GPC6: variants seen among roughly 807,000 people sequenced by gnomAD.
GPC6 encodes the protein glypican 6, also known as glypican-6.
Under a neutral mutation model 55.2 loss-of-function variants are expected in GPC6, and 14 were observed. That is an observed-to-expected ratio of 0.25 (90% CI 0.17 to 0.40). GPC6 has a LOEUF of 0.40. GPC6 is among the 10% of genes least tolerant of loss of function. The pLI is 1.00. For synonymous variants in GPC6, 278 were observed against 259.6 expected, an observed-to-expected ratio of 1.07 and a Z score of -0.68; for missense variants, 641 against 708.5, an observed-to-expected ratio of 0.90 and a Z score of 1.08.
intron 1 of GPC6, among the ~76,000 whole-genome samples, chr13:93,466,835 T>C (rs1427285529): frequency 1.3e-5 from 2 of 152,204 alleles, no homozygotes; most frequent in Non-Finnish European, 2.9e-5. Flanking sequence ...GTAAATTTGC[T>C]GTCTCATCAG....
intron 4 of GPC6, among the ~76,000 whole-genome samples, chr13:94,259,881 TACACACATGCACAC>T (rs747381597): frequency 1.3e-4 from 20 of 152,220 alleles, no homozygotes; most frequent in Non-Finnish European, 2.8e-4. Context: ...ATTGTGTGTA[TACACACATGCACAC>T]ACACACATAC....
At chr13:93,745,313 A>G (rs1288563246) in intron 2 of GPC6, among the ~76,000 whole-genome samples, 2 of 151,760 alleles carry the variant, frequency 1.3e-5, no homozygotes, top group Admixed American at 6.6e-5. Context: ...CCTTTTCACC[A>G]TTTCCTTCTT....
At chr13:93,549,667 A>G (rs533571682) in intron 2 of GPC6, among the ~76,000 whole-genome samples, 3 of 152,112 alleles carry the variant, frequency 2.0e-5, no homozygotes, top group East Asian at 1.9e-4. Flanking sequence ...AACACCGCCT[A>G]TCCCTCTATC....
chr13:93,790,440 CAGAA>C (rs1311898378), intron 2 of GPC6, among the ~76,000 whole-genome samples: 1 of 152,028 alleles, frequency 6.6e-6, no homozygotes, highest in African/African-American at 2.4e-5. Flanking sequence ...TTCCAGTGAA[CAGAA>C]AGCCTAGAAG....
At chr13:94,241,414 G>A (rs545537513) in intron 4 of GPC6, among the ~76,000 whole-genome samples, 14 of 152,186 alleles carry the variant, frequency 9.2e-5, no homozygotes, top group African/African-American at 2.9e-4. Flanking sequence ...TTGGTCTTAA[G>A]GAAGTCCTGC....
At chr13:93,693,809 C>T (rs931083092) in intron 2 of GPC6, among the ~76,000 whole-genome samples, 1 of 152,042 alleles carries the variant, frequency 6.6e-6, no homozygotes, top group African/African-American at 2.4e-5. Context: ...TTTGAAAGAA[C>T]ATTTTTCTTT....
At chr13:93,279,795 A>T (rs1877884978) in intron 1 of GPC6, among the ~76,000 whole-genome samples, 1 of 152,202 alleles carries the variant, frequency 6.6e-6, no homozygotes, top group Non-Finnish European at 1.5e-5. Flanking sequence ...ATTTCTTTAG[A>T]GATTGAAAAT....
intron 2 of GPC6, among the ~76,000 whole-genome samples, chr13:93,582,181 CT>C (rs1293368259): frequency 6.6e-6 from 1 of 152,152 alleles, no homozygotes; most frequent in Non-Finnish European, 1.5e-5. Flanking sequence ...AAGTGAAAAT[CT>C]TTTGCCAACA....
chr13:93,308,690 C>A (rs1384877413), intron 1 of GPC6, among the ~76,000 whole-genome samples: 2 of 152,214 alleles, frequency 1.3e-5, no homozygotes, highest in Non-Finnish European at 2.9e-5. Flanking sequence ...GATCTGCCCG[C>A]CTTGGCCTCC....
chr13:94,358,208 T>C (rs1878889825), intron 6 of GPC6, among the ~76,000 whole-genome samples: 1 of 150,780 alleles, frequency 6.6e-6, no homozygotes, highest in Non-Finnish European at 1.5e-5. Flanking sequence ...GAGAATCACT[T>C]GAACCCGGAA....
chr13:94,349,396 C>T (rs769400270), intron 6 of GPC6, among the ~76,000 whole-genome samples: 10 of 152,116 alleles, frequency 6.6e-5, no homozygotes, highest in Non-Finnish European at 1.2e-4. Context: ...TCATCTCCAA[C>T]TTTTTTTGAC....
At chr13:93,624,841 T>G in intron 2 of GPC6, among the ~76,000 whole-genome samples, 2 of 152,286 alleles carry the variant, frequency 1.3e-5, no homozygotes, top group Middle Eastern at 3.4e-3. Context: ...GATAAACCTA[T>G]TCATAAGAAA....
At chr13:93,974,342 TC>T (rs1323316511) in intron 3 of GPC6, among the ~76,000 whole-genome samples, 1 of 152,190 alleles carries the variant, frequency 6.6e-6, no homozygotes. Context: ...AGAGAAAAGG[TC>T]AAAATAATAT....
chr13:93,370,100 G>A (rs973133477), intron 1 of GPC6, among the ~76,000 whole-genome samples: 2 of 152,046 alleles, frequency 1.3e-5, no homozygotes, highest in African/African-American at 4.8e-5. Context: ...AAATTGTGGA[G>A]GAGACCGAGT....
chr13:93,575,624 T>A (rs984035653), intron 2 of GPC6, among the ~76,000 whole-genome samples: 1 of 152,190 alleles, frequency 6.6e-6, no homozygotes, highest in African/African-American at 2.4e-5. Context: ...CTCATCTCTA[T>A]CATTTCCTGC....
chr13:93,285,557 T>C (rs1878083735), intron 1 of GPC6, among the ~76,000 whole-genome samples: 1 of 151,858 alleles, frequency 6.6e-6, no homozygotes, highest in South Asian at 2.1e-4. Context: ...TTGTATAATT[T>C]TTCCCCACCC....
chr13:93,325,566 G>T (rs553183504), intron 1 of GPC6, among the ~76,000 whole-genome samples: 1 of 152,022 alleles, frequency 6.6e-6, no homozygotes, highest in Non-Finnish European at 1.5e-5. Context: ...TTTAGGCTAT[G>T]GGAGACCTTA....
chr13:93,856,769 A>G (rs902813916), intron 3 of GPC6, among the ~76,000 whole-genome samples: 1 of 151,606 alleles, frequency 6.6e-6, no homozygotes, highest in African/African-American at 2.4e-5. Flanking sequence ...CTTTGGAGAA[A>G]CAAACCAGGA....
At chr13:93,623,455 C>CTTTTTTT (rs567830011) in intron 2 of GPC6, among the ~76,000 whole-genome samples, 3 of 116,194 alleles carry the variant, frequency 2.6e-5, no homozygotes, top group Admixed American at 8.6e-5. Flanking sequence ...CTTTTCTTTT[C>CTTTTTTT]TTTTTTTTTT....
Sources: allele counts gnomAD v4.1 joint callset (sites outside exome capture counted in the v4.1 genomes callset), GRCh38; gene constraint gnomAD v4.1.1; transcripts MANE v1.5; gene names NCBI Gene and HGNC (gene_info 2026-07-23, HGNC 2026-07-21).